Variants in EEF1G observed in about 807,000 individuals in gnomAD.
EEF1G encodes the protein elongation factor 1-gamma.
In EEF1G, 14 loss-of-function variants were observed where a neutral mutation model predicts 58.3. That is an observed-to-expected ratio of 0.24 (90% confidence interval 0.16 to 0.38). EEF1G has a LOEUF of 0.38. Ranked by LOEUF, EEF1G falls within the 10% of genes least tolerant of loss-of-function variation. The probability of loss-of-function intolerance (pLI) is 1.00; values close to 1 mark genes in which losing one functional copy is unlikely to be tolerated. For synonymous variants in EEF1G, 180 were observed against 206.8 expected (o/e 0.87, Z 1.11); for missense variants, 322 against 550.1 (o/e 0.59, Z 4.15).
chr11:62,567,604 TCTAC>T (rs1163716596), intron 5 of EEF1G, 76 bp from the exon 6 acceptor site: 2 of 1,417,852 alleles, frequency 1.4e-6, no homozygotes, highest in Non-Finnish European at 1.9e-6. Context: ...GAGTCCTTGC[TCTAC>T]CTAAGTCCCA....
rs370202672 is a variant in EEF1G, at chr11:62,573,863, G to A, written c.-21C>T. 2.2e-5 allele frequency: 36 copies of A among 1,613,624 alleles called. No individual in the cohort carries two copies. The highest frequency in any genetic ancestry group is 1.6e-4 in the Middle Eastern group (1 of 6,078). On this transcript the variant is annotated 5_prime_UTR_variant, in exon 1 of 10. Transcript: ENST00000329251. ...GCCATGGTGATTCCGCAAAGAAAGG[G>A]GGTGGGGTTCTCGGCGCTGCCGCAA...
chr11:62,563,035 G>A (rs553753725), intron 7 of EEF1G, among the ~76,000 whole-genome samples: 2 of 151,126 alleles, frequency 1.3e-5, no homozygotes, highest in East Asian at 2.0e-4. Flanking sequence ...GCTTGAGTCC[G>A]GGAGGCAGAG....
At chr11:62,560,926 T>A (rs1017317979) in intron 7 of EEF1G, among the ~76,000 whole-genome samples, 2 of 152,178 alleles carry the variant, frequency 1.3e-5, no homozygotes, top group African/African-American at 4.8e-5. Flanking sequence ...TACACCCATG[T>A]CCTTTAGTCC....
chr11:62,564,758 CAAAAAAAAAAAAAA>C (rs34663205), intron 7 of EEF1G, among the ~76,000 whole-genome samples: 2 of 75,046 alleles, frequency 2.7e-5, no homozygotes, highest in Non-Finnish European at 4.3e-5. Context: ...GACTCCATCT[CAAAAAAAAAAAAAA>C]AAAAAAAAAA....
At chr11:62,564,938 G>A (rs533426334) in intron 7 of EEF1G, among the ~76,000 whole-genome samples, 6 of 151,516 alleles carry the variant, frequency 4.0e-5, no homozygotes, top group African/African-American at 9.7e-5. Flanking sequence ...GTGGTGTCAC[G>A]CGCCTGTCAT....
chr11:62,560,986 G>A (rs1016486660), intron 7 of EEF1G, among the ~76,000 whole-genome samples: 1 of 152,210 alleles, frequency 6.6e-6, no homozygotes, highest in Non-Finnish European at 1.5e-5. Flanking sequence ...TTCCGATGCT[G>A]GAAAGCCCTT....
Position 62,571,156 on chromosome 11 carries a change from C to G in EEF1G, c.379-48G>C, listed in dbSNP as rs1941625971. On this transcript the variant is annotated intron_variant, in intron 4 of 9. Transcript: ENST00000329251. ...CTCATCAGTGGGTACCAATCCCTTT[C>G]CCTCACCTCCCCCATTAATAGAACT... The G allele has an allele frequency of 1.9e-6, 3 of 1,612,500 alleles. No homozygotes were observed. The African/African-American group carries it at 4.0e-5, about 21-fold the overall frequency.
At position 62,561,664 on chromosome 11, in the gene EEF1G, A is replaced by AC. The variant is rs1941495653; in HGVS notation, c.858-1211_858-1210insG. 9.7e-5 allele frequency among the ~76,000 whole-genome samples: 7 copies of AC among 71,970 alleles called. 1 individual carries two copies. The highest frequency in any genetic ancestry group is 2.9e-4 in the African/African-American group (7 of 23,952). The allele number at this position is 71,970 out of a possible 152,430, so 47.2% of individuals were successfully genotyped here. On this transcript the variant is annotated intron_variant, in intron 7 of 9. Transcript: ENST00000329251. ...CAACAGAGCAAGACTCCGTCTCAAA[A>AC]AAAAAACAAAAAAAAAACAAAAAAA...
In EEF1G at chr11:62,571,679, C is replaced by T; in HGVS notation, c.239G>A (p.Ser80Asn). Residue 80 changes from serine to asparagine, a missense_variant, in exon 4 of 10, where the codon AGC becomes AAC. By Grantham distance (46) the Ser-to-Asn change is conservative. Transcript: ENST00000329251. ...AGTACTTCCCCGCAGCTCCTCATTG[C>T]TCACTGCAGAGGCAGAACACGAAGG... is the stretch of plus-strand genomic sequence containing the variant. ...FESNAIAYYV[S>N]NEELRGSTPE... 6.3e-7 allele frequency: 1 copy of T among 1,586,740 alleles called. No homozygotes were observed. The highest frequency in any genetic ancestry group is 8.6e-7 in the Non-Finnish European group (1 of 1,166,628).
At chr11:62,559,915 G>A in intron 9 of EEF1G, 78 bp from the exon 10 acceptor site, 2 of 1,610,172 alleles carry the variant, frequency 1.2e-6, no homozygotes, top group Non-Finnish European at 1.7e-6. Context: ...TCAAACACAT[G>A]TCATCAGACC....
chr11:62,565,340 C>T (rs1941544433), intron 7 of EEF1G, among the ~76,000 whole-genome samples: 1 of 151,850 alleles, frequency 6.6e-6, no homozygotes, highest in Non-Finnish European at 1.5e-5. Flanking sequence ...GAGCCGTGAT[C>T]ACGCTACTGC....
Position 62,573,872 on chromosome 11 carries a change from T to C in EEF1G, c.-30A>G. The C allele has an allele frequency of 1.2e-6, 2 of 1,613,498 alleles. No individual in the cohort carries two copies. Among genetic ancestry groups the C allele is most frequent in the South Asian group, 2.2e-5 (2 of 91,076 alleles). ...ATTCCGCAAAGAAAGGGGGTGGGGT[T>C]CTCGGCGCTGCCGCAAAGTAAGCCG... is the stretch of plus-strand genomic sequence containing the variant. On this transcript the variant is annotated 5_prime_UTR_variant, in exon 1 of 10. Coordinates refer to ENST00000329251, the MANE Select transcript of EEF1G (RefSeq NM_001404.5).
rs1376630288 is a variant in EEF1G, at chr11:62,567,010, G to A, written c.653C>T (p.Ala218Val). Residue 218 changes from alanine to valine, a missense_variant and splice_region_variant, in exon 7 of 10, where the codon GCT becomes GTT. Around this residue, in one of 3 missense-constraint regions of EEF1G, gnomAD observed 208 missense variants for 323.7 expected, o/e 0.64. Coordinates refer to ENST00000329251, the MANE Select transcript of EEF1G (RefSeq NM_001404.5). ...KLCEKMAQFD[A>V]KKFAETQPKK... ...AGGTTGGGTCTCTGCAAACTTTTTA[G>A]CTGGTGCAGAGGAAGGCAGGAAAGT... The A allele has an allele frequency of 6.2e-7, 1 of 1,613,882 alleles. No homozygotes were observed.
chr11:62,567,543 G>A lies in EEF1G; in HGVS notation c.523-15C>T, dbSNP rs370728833. On this transcript the variant is annotated splice_polypyrimidine_tract_variant and intron_variant, in intron 5 of 9. Coordinates refer to ENST00000329251, the MANE Select transcript of EEF1G (RefSeq NM_001404.5). The stretch of plus-strand genomic sequence containing the variant: ...GGCTCTAGAACCTGCCAGGACATAA[G>A]GGTGTAAACAAAGTCAGTGGAAAGG... The A allele has an allele frequency of 1.3e-5, 20 of 1,579,604 alleles. No individual in the cohort carries two copies. Among genetic ancestry groups the A allele is most frequent in the Admixed American group, 1.9e-5 (1 of 53,664 alleles).
At chr11:62,562,672 G>C (rs964920349) in intron 7 of EEF1G, among the ~76,000 whole-genome samples, 10 of 152,050 alleles carry the variant, frequency 6.6e-5, no homozygotes, top group African/African-American at 2.4e-4. Flanking sequence ...GTAGAGACGA[G>C]GTTTCACTAT....
At chr11:62,568,952 G>A (rs549588074) in intron 5 of EEF1G, among the ~76,000 whole-genome samples, 110 of 150,572 alleles carry the variant, frequency 7.3e-4, no homozygotes, top group Middle Eastern at 6.8e-3. Flanking sequence ...CAGCCTGGGG[G>A]ACAAGAGCGA....
At chr11:62,570,281 C>T (rs12226143) in intron 5 of EEF1G, among the ~76,000 whole-genome samples, 9,092 of 152,052 alleles carry the variant, frequency 0.06, 547 homozygotes, top group Admixed American at 0.21. Flanking sequence ...AGGATGGTCT[C>T]GAACTCCTGA....
intron 1 of EEF1G, chr11:62,573,433 G>A (rs1266992877): frequency 8.0e-6 from 2 of 248,922 alleles, no homozygotes; most frequent in Non-Finnish European, 1.6e-5. Flanking sequence ...CCTGAGAGAC[G>A]ACCTTTAACC....
At chr11:62,570,803 A>T (rs1346103488) in intron 5 of EEF1G, among the ~76,000 whole-genome samples, 162 bp downstream of exon 5, 2 of 151,988 alleles carry the variant, frequency 1.3e-5, no homozygotes. Context: ...TGATCTGCCT[A>T]CCTCGGCCCC....
Sources: gnomAD v4.1 joint callset for allele counts (sites outside exome capture counted in the v4.1 genomes callset) on GRCh38, gnomAD v4.1.1 for gene constraint, gnomAD v4.1.1 regional missense constraint, MANE v1.5 for transcripts, NCBI Gene and HGNC (gene_info 2026-07-23, HGNC 2026-07-21) for gene names.